Variants in A2M observed in about 807,000 individuals in gnomAD.
A2M encodes the protein alpha-2-macroglobulin.
In A2M, 128 loss-of-function variants were observed where a neutral mutation model predicts 183.9. The ratio of observed to expected loss-of-function variants is 0.70; its 90% CI spans 0.60 to 0.81. The LOEUF is 0.81. Ranked by LOEUF, A2M falls within the 30% of genes least tolerant of loss-of-function variation. The probability of loss-of-function intolerance (pLI) is 0.00; values close to 1 mark genes in which losing one functional copy is unlikely to be tolerated. For missense variants in A2M, 1,495 were observed against 1,787.6 expected (o/e 0.84, Z 2.95); for synonymous variants, 592 against 670.8 (o/e 0.88, Z 1.81).
At chr12:9,089,278 T>C (rs1949136089) in intron 21 of A2M, 27 bp from the exon 22 acceptor site, 1 of 1,522,584 alleles carries the variant, frequency 6.6e-7, no homozygotes. Context: ...GAAAAGCTAG[T>C]GAGAATGGAC....
intron 22 of A2M, among the ~76,000 whole-genome samples, chr12:9,082,953 T>C (rs755623895): frequency 6.6e-6 from 1 of 152,302 alleles, no homozygotes; most frequent in East Asian, 1.9e-4. Context: ...GATGGCTGGG[T>C]CAAATGTATT....
intron 24 of A2M, 118 bp from the exon 25 acceptor site, chr12:9,079,449 T>C (rs1200257303): frequency 3.3e-6 from 4 of 1,209,426 alleles, no homozygotes; most frequent in Admixed American, 4.1e-5. Flanking sequence ...TTGTCATAGA[T>C]TAGGAGTTTC....
chr12:9,112,218 C>G lies in A2M; in HGVS notation c.431-7G>C, dbSNP rs746737917. 1 of 1,613,762 alleles carries G rather than the reference C, an allele frequency of 6.2e-7. No individual in the cohort carries two copies. The highest frequency in any genetic ancestry group is 8.5e-7 in the Non-Finnish European group (1 of 1,179,742). On this transcript the variant is annotated splice_region_variant and splice_polypyrimidine_tract_variant and intron_variant, in intron 3 of 35. Coordinates refer to ENST00000318602, the MANE Select transcript of A2M (RefSeq NM_000014.6). ...GAGACAACACGAAATTTCACTGAAACAGAAATATTTTTCATGAGCCCCCAA... is the reference window on the plus strand; with the variant it reads ...GAGACAACACGAAATTTCACTGAAAGAGAAATATTTTTCATGAGCCCCCAA...
rs1185262872 is a variant in A2M, at chr12:9,112,172, G to A, written c.470C>T (p.Pro157Leu). The A allele has an allele frequency of 5.0e-6, 8 of 1,613,714 alleles. No homozygotes were observed. Among genetic ancestry groups the A allele is most frequent in the Non-Finnish European group, 6.8e-6 (8 of 1,179,734 alleles). The change falls in exon 4 of 36, where the codon CCC becomes CTC. Residue 157 changes from proline (P) to leucine (L), a missense_variant. Coordinates refer to ENST00000318602, the MANE Select transcript of A2M (RefSeq NM_000014.6). ...TAGAAAACTCACCAACTCATTCAGG[G>A]GGTGAAAGTTTTCATCCATGGAGAC... ...RVVSMDENFH[P>L]LNELIPLVYI...
At chr12:9,111,033 T>C (rs1938689522) in intron 4 of A2M, among the ~76,000 whole-genome samples, 1 of 152,172 alleles carries the variant, frequency 6.6e-6, no homozygotes, top group Non-Finnish European at 1.5e-5. Context: ...ATCATTAAGA[T>C]GGGTCATAGA....
chr12:9,083,470 C>A (rs894483634), intron 22 of A2M, among the ~76,000 whole-genome samples: 1 of 150,490 alleles, frequency 6.6e-6, no homozygotes, highest in African/African-American at 2.4e-5. Context: ...CAAAAAGAAA[C>A]CAAATAGAAA....
chr12:9,074,111 G>A (rs978892339), intron 29 of A2M, among the ~76,000 whole-genome samples: 2 of 146,680 alleles, frequency 1.4e-5, no homozygotes, highest in African/African-American at 2.5e-5. Flanking sequence ...AAAAAAAGGT[G>A]AATAGGGGAA....
intron 1 of A2M, among the ~76,000 whole-genome samples, chr12:9,114,252 T>C (rs1443782511): frequency 1.3e-5 from 2 of 152,240 alleles, no homozygotes; most frequent in African/African-American, 2.4e-5. Context: ...ACAGAAACTT[T>C]CTCAGTACCC....
chr12:9,115,738 C>A, intron 1 of A2M, 26 bp downstream of exon 1: 1 of 1,575,720 alleles, frequency 6.3e-7, no homozygotes, highest in East Asian at 2.2e-5. Context: ...TAGGTTCATG[C>A]TTCACGCTCT....
In A2M at chr12:9,089,188, G is replaced by A; in HGVS notation, c.2770+12C>T. On this transcript the variant is annotated intron_variant, in intron 22 of 35. Transcript: ENST00000318602. ...CTTTAATGTTTTTTAAATTATGATG[G>A]TTGACTCTTACCTGATGGACAAAGT... 1 of 1,567,292 alleles carries A rather than the reference G, an allele frequency of 6.4e-7. No homozygotes were observed. Among genetic ancestry groups the A allele is most frequent in the Non-Finnish European group, 8.7e-7 (1 of 1,149,246 alleles).
At chr12:9,068,123 G>A in intron 35 of A2M, 60 bp downstream of exon 35, 1 of 1,568,420 alleles carries the variant, frequency 6.4e-7, no homozygotes, top group South Asian at 1.2e-5. Flanking sequence ...TGAAGGAGAA[G>A]GTTTGGGGGG....
chr12:9,114,229 A>G (rs776119532), intron 1 of A2M, among the ~76,000 whole-genome samples: 139 of 152,310 alleles, frequency 9.1e-4, no homozygotes, highest in African/African-American at 3.2e-3. Flanking sequence ...GACCTTGGTA[A>G]CTCATGTGCA....
In A2M at chr12:9,076,870, G is replaced by A; in HGVS notation, c.3418C>T (p.His1140Tyr). The A allele has an allele frequency of 6.2e-7, 1 of 1,613,398 alleles. No homozygotes were observed. The highest frequency in any genetic ancestry group is 8.5e-7 in the Non-Finnish European group (1 of 1,179,734). Residue 1140 changes from histidine to tyrosine, a missense_variant, in exon 28 of 36, where the codon CAT becomes TAT. His to Tyr is a moderately conservative substitution (Grantham distance 83). Coordinates refer to ENST00000318602, the MANE Select transcript of A2M (RefSeq NM_000014.6). ...SAWKTAQEGD[H>Y]GSHVYTKALL... ...GCTTTGGTATATACATGGCTGCCAT[G>A]GTCCCCTTCTTGTGCTGTCTTCCAG...
rs372699318 is a variant in A2M at position 9,073,293 on chromosome 12, G to C, written c.3757-422C>G. ...AAACTTTGCTCAGTTGCTGAGGTCA[G>C]TGTCCTGGAGAGAACCCAAGGTTCT... On this transcript the variant is annotated intron_variant, in intron 29 of 35. Coordinates refer to ENST00000318602, the MANE Select transcript of A2M (RefSeq NM_000014.6). Among the ~76,000 whole-genome samples the C allele has an allele frequency of 4.0e-5, 6 of 150,930 alleles. No homozygotes were observed. The East Asian group carries it at 5.8e-4, about 15-fold the overall frequency.
rs770654870 is a variant in A2M, at chr12:9,106,481, G to C, written c.994+10C>G. Reference sequence around the variant, plus strand: ...TTGTGTTTTCTCTTATACCCATGTAGTACACAAACCTGTTCCTTCTTCTTG... The same window carrying C: ...TTGTGTTTTCTCTTATACCCATGTACTACACAAACCTGTTCCTTCTTCTTG... On this transcript the variant is annotated intron_variant, in intron 9 of 35. Coordinates refer to ENST00000318602, the MANE Select transcript of A2M (RefSeq NM_000014.6). The C allele has an allele frequency of 7.1e-6, 11 of 1,550,380 alleles. No individual in the cohort carries two copies. The South Asian group carries it at 1.1e-4, about 16-fold the overall frequency.
At chr12:9,104,210 T>C in intron 11 of A2M, 29 bp downstream of exon 11, 1 of 1,599,172 alleles carries the variant, frequency 6.3e-7, no homozygotes, top group Non-Finnish European at 8.5e-7. Flanking sequence ...GGCTACTTCA[T>C]GTCATTGGTA....
At position 9,110,014 on chromosome 12, in the gene A2M, C is replaced by T. The variant is rs774076635; in HGVS notation, c.526G>A (p.Ala176Thr). 44 of 1,611,512 alleles carry T rather than the reference C, an allele frequency of 2.7e-5. No individual in the cohort carries two copies. The highest frequency in any genetic ancestry group is 1.6e-4 in the Middle Eastern group (1 of 6,068). Residue 176 changes from alanine to threonine, a missense_variant, in exon 6 of 36, where the codon GCA becomes ACA. Physicochemically the swap from Ala to Thr is moderately conservative, Grantham distance 58 (BLOSUM62 0). Transcript: ENST00000318602. ...YIQDPKGNRI[A>T]QWQSFQLEGG... ...TCTAACTGGAAACTCTGCCATTGTGCGATGCGATTTCCTTTGGGATCCTAT... is the reference window on the plus strand; with the variant it reads ...TCTAACTGGAAACTCTGCCATTGTGTGATGCGATTTCCTTTGGGATCCTAT...
At position 9,093,695 on chromosome 12, in the gene A2M, G is replaced by A. The variant is rs780032311; in HGVS notation, c.2126-116C>T. 14 of 583,874 alleles carry A rather than the reference G, an allele frequency of 2.4e-5. No homozygotes were observed. The African/African-American group carries it at 2.5e-4, about 10-fold the overall frequency. The allele number at this position is 583,874 out of a possible 1,614,324, so 36.2% of individuals were successfully genotyped here. ...AAAACAAATCGTCTGATGAAATAGA[G>A]AGGAAGGAGGAGAGGGCGCTTGGGT... On this transcript the variant is annotated intron_variant, in intron 17 of 35. Transcript: ENST00000318602.
chr12:9,089,664 C>T (rs1949148063), intron 21 of A2M, among the ~76,000 whole-genome samples: 1 of 152,038 alleles, frequency 6.6e-6, no homozygotes, highest in African/African-American at 2.4e-5. Context: ...TTGCTTGAAC[C>T]CAGGAGGCGG....
Sources: gnomAD v4.1 joint callset for allele counts (sites outside exome capture counted in the v4.1 genomes callset) on GRCh38, gnomAD v4.1.1 for gene constraint, MANE v1.5 for transcripts, NCBI Gene and HGNC (gene_info 2026-07-23, HGNC 2026-07-21) for gene names.